Variants in PAPOLG observed in about 807,000 individuals in gnomAD.
The protein encoded by PAPOLG is PAP-gamma.
Under a neutral mutation model 99.0 loss-of-function variants are expected in PAPOLG, and 40 were observed. The observed-to-expected ratio is 0.40, with a 90% CI of 0.31 to 0.53. The LOEUF (loss-of-function observed/expected upper bound fraction) is 0.53. Among genes scored for constraint, PAPOLG ranks in the 20% least tolerant of loss-of-function variants. The pLI is 0.41. For synonymous variants in PAPOLG, 310 were observed against 299.3 expected, an observed-to-expected ratio of 1.04 and a Z score of -0.37; for missense variants, 675 against 884.1, an observed-to-expected ratio of 0.76 and a Z score of 3.00.
rs1287434632 is a variant in PAPOLG at position 60,771,641 on chromosome 2, A to G, written c.604+11A>G. On this transcript the variant is annotated intron_variant, in intron 7 of 21. Coordinates refer to ENST00000238714, the MANE Select transcript of PAPOLG (RefSeq NM_022894.4). ...TTCGCAGCTTAAATGGTAAGCTTCT[A>G]AAAAGAAATCTCAGATACCTGCTTC... is the stretch of plus-strand genomic sequence containing the variant. 2.5e-6 allele frequency: 4 copies of G among 1,589,934 alleles called. No individual in the cohort carries two copies. The highest frequency in any genetic ancestry group is 3.4e-6 in the Non-Finnish European group (4 of 1,174,482).
rs1670334084 is a variant in PAPOLG, at chr2:60,756,279, C to G, written c.-200C>G. 1 of 638,518 alleles carries G rather than the reference C, an allele frequency of 1.6e-6. No individual in the cohort carries two copies. Among genetic ancestry groups the G allele is most frequent in the Non-Finnish European group, 2.8e-6 (1 of 360,942 alleles). The allele number at this position is 638,518 out of a possible 1,614,324, so 39.6% of individuals were successfully genotyped here. On this transcript the variant is annotated 5_prime_UTR_variant, in exon 1 of 22. Transcript: ENST00000238714. The stretch of plus-strand genomic sequence containing the variant: ...GGAAGCGGCGCCATATTGGCGTCGG[C>G]CGCGCTGTATTGTCATAAATAGAGC...
rs1201468976 is a variant in PAPOLG, at chr2:60,779,707, T to C, written c.765T>C (p.Thr255=). The C allele has an allele frequency of 6.2e-7, 1 of 1,614,130 alleles. No individual in the cohort carries two copies. Among genetic ancestry groups the C allele is most frequent in the Non-Finnish European group, 8.5e-7 (1 of 1,179,958 alleles). ...GVSWAMLVAR[T]CQLYPNAAAS... ...CCTGGGCAATGCTAGTTGCAAGAACTTGCCAATTGTATCCAAATGCAGCAG... is the reference window on the plus strand; with the variant it reads ...CCTGGGCAATGCTAGTTGCAAGAACCTGCCAATTGTATCCAAATGCAGCAG... Residue 255 remains threonine, a synonymous_variant, in exon 9 of 22, where the codon ACT becomes ACC. Coordinates refer to ENST00000238714, the MANE Select transcript of PAPOLG (RefSeq NM_022894.4).
rs1670753153 is a variant in PAPOLG at position 60,768,511 on chromosome 2, T to A, written c.288T>A (p.Ile96=). ...PSVVATVGGK[I]FTFGSYRLGV... ...TTGTGGCTACTGTTGGTGGTAAAATTTTCACATTTGGATCCTATAGGCTTG... is the reference window on the plus strand; with the variant it reads ...TTGTGGCTACTGTTGGTGGTAAAATATTCACATTTGGATCCTATAGGCTTG... The change falls in exon 4 of 22, where the codon ATT becomes ATA. Residue 96 remains isoleucine (I), a synonymous_variant. Coordinates refer to ENST00000238714, the MANE Select transcript of PAPOLG (RefSeq NM_022894.4). 1.2e-6 allele frequency: 2 copies of A among 1,613,918 alleles called. No homozygotes were observed. The highest frequency in any genetic ancestry group is 4.5e-5 in the East Asian group (2 of 44,878).
intron 17 of PAPOLG, 135 bp from the exon 18 acceptor site, chr2:60,793,492 A>T: frequency 1.0e-6 from 1 of 960,240 alleles, no homozygotes; most frequent in Non-Finnish European, 1.5e-6. Flanking sequence ...TGAGTCCAGG[A>T]GGTTGAGGCT....
intron 7 of PAPOLG, among the ~76,000 whole-genome samples, chr2:60,771,831 G>A (rs917358867): frequency 1.3e-5 from 2 of 152,100 alleles, no homozygotes; most frequent in African/African-American, 4.8e-5. Context: ...TATATTACTG[G>A]TTCTCAAACT....
intron 17 of PAPOLG, 105 bp from the exon 18 acceptor site, chr2:60,793,522 C>G: frequency 7.6e-7 from 1 of 1,314,884 alleles, no homozygotes; most frequent in Non-Finnish European, 1.1e-6. Context: ...TGTGATTGTG[C>G]CACTGCACTC....
chr2:60,791,703 A>AG, intron 15 of PAPOLG, 58 bp from the exon 16 acceptor site: 1 of 1,547,172 alleles, frequency 6.5e-7, no homozygotes, highest in Non-Finnish European at 8.7e-7. Flanking sequence ...CAGAAAAATT[A>AG]GGCAGAACCC....
At position 60,780,699 on chromosome 2, in the gene PAPOLG, C is replaced by T; in HGVS notation, c.834-8C>T. The stretch of plus-strand genomic sequence containing the variant: ...CATGTGTAAGTTAATTTGCCTTATT[C>T]ATGTCAGGGAATGGCCAAATCCTGT... On this transcript the variant is annotated splice_polypyrimidine_tract_variant and splice_region_variant and intron_variant, in intron 9 of 21. Coordinates refer to ENST00000238714, the MANE Select transcript of PAPOLG (RefSeq NM_022894.4). 1 of 1,613,750 alleles carries T rather than the reference C, an allele frequency of 6.2e-7. No individual in the cohort carries two copies. Among genetic ancestry groups the T allele is most frequent in the Non-Finnish European group, 8.5e-7 (1 of 1,179,792 alleles).
chr2:60,783,644 G>C (rs1671268771), intron 13 of PAPOLG, among the ~76,000 whole-genome samples: 1 of 150,880 alleles, frequency 6.6e-6, no homozygotes, highest in Admixed American at 6.6e-5. Context: ...CTGAGTAGCT[G>C]GGACTACAGG....
At chr2:60,769,422 G>T (rs1209884052) in intron 5 of PAPOLG, among the ~76,000 whole-genome samples, 3 of 152,270 alleles carry the variant, frequency 2.0e-5, no homozygotes, top group South Asian at 2.1e-4. Flanking sequence ...TATTGAGGAG[G>T]GGGTTATGTG....
chr2:60,767,777 T>G (rs1157784491), intron 3 of PAPOLG, among the ~76,000 whole-genome samples: 1 of 151,792 alleles, frequency 6.6e-6, no homozygotes, highest in Non-Finnish European at 1.5e-5. Flanking sequence ...TGGCCAAGAG[T>G]GTTATGTTTT....
At chr2:60,766,699 A>C (rs1046619062) in intron 3 of PAPOLG, among the ~76,000 whole-genome samples, 9 of 150,640 alleles carry the variant, frequency 6.0e-5, no homozygotes, top group Non-Finnish European at 8.9e-5. Context: ...AAAAAAACCC[A>C]AAAAAACAAA....
At chr2:60,756,619 T>C in intron 1 of PAPOLG, 124 bp downstream of exon 1, 1 of 1,087,610 alleles carries the variant, frequency 9.2e-7, no homozygotes, top group Admixed American at 3.1e-5. Context: ...GATGGTCTCC[T>C]TCCCGGCTCC....
chr2:60,792,015 A>C, intron 16 of PAPOLG, 114 bp from the exon 17 acceptor site: 1 of 1,456,840 alleles, frequency 6.9e-7, no homozygotes, highest in Non-Finnish European at 9.3e-7. Context: ...TAGGACTAAA[A>C]TCTCATTTTC....
chr2:60,764,334 C>CA (rs773632767), intron 3 of PAPOLG, among the ~76,000 whole-genome samples: 3 of 152,094 alleles, frequency 2.0e-5, no homozygotes, highest in Non-Finnish European at 4.4e-5. Flanking sequence ...GTTTAAAACT[C>CA]ACAGTTGTCA....
At position 60,775,209 on chromosome 2, in the gene PAPOLG, C is replaced by T. The variant is rs1037316201; in HGVS notation, c.694+86C>T. On this transcript the variant is annotated intron_variant, in intron 8 of 21. Transcript: ENST00000238714. ...AAGAAGCATATATAGAAACTCTGAA[C>T]CTAATGATATTGTTGGAGGTTAAGG... 2.8e-6 allele frequency: 4 copies of T among 1,426,248 alleles called. No homozygotes were observed. The African/African-American group carries it at 4.4e-5, about 16-fold the overall frequency. The allele number at this position is 1,426,248 out of a possible 1,614,324, so 88.3% of individuals were successfully genotyped here.
intron 1 of PAPOLG, among the ~76,000 whole-genome samples, chr2:60,758,546 G>C (rs1670425512): frequency 6.6e-6 from 1 of 150,984 alleles, no homozygotes; most frequent in African/African-American, 2.4e-5. Context: ...TCCTGCCTCA[G>C]CCTCCCGAGT....
intron 1 of PAPOLG, among the ~76,000 whole-genome samples, chr2:60,759,114 A>T (rs945355889): frequency 4.6e-5 from 7 of 152,050 alleles, no homozygotes; most frequent in Non-Finnish European, 1.0e-4. Flanking sequence ...CACGCCTGTG[A>T]TCCCAGCACC....
chr2:60,797,162 A>G lies in PAPOLG; in HGVS notation c.*2A>G. ...ATTCGACTGACCCTTAATCGGTAAA[A>G]GCAGTGCCTCCTCACTTAAGTGAAC... On this transcript the variant is annotated 3_prime_UTR_variant, in exon 22 of 22. Transcript: ENST00000238714. The G allele has an allele frequency of 6.2e-7, 1 of 1,614,028 alleles. No homozygotes were observed. Among genetic ancestry groups the G allele is most frequent in the South Asian group, 1.1e-5 (1 of 91,078 alleles).
Sources: allele counts gnomAD v4.1 joint callset (sites outside exome capture counted in the v4.1 genomes callset), GRCh38; gene constraint gnomAD v4.1.1; transcripts MANE v1.5; gene names NCBI Gene and HGNC (gene_info 2026-07-23, HGNC 2026-07-21).